CPSF2: variants seen among roughly 807,000 people sequenced by gnomAD.
CPSF2 encodes the protein cleavage and polyadenylation specific factor 2, also known as cleavage and polyadenylation specificity factor subunit 2.
CPSF2 carries 51 observed loss-of-function variants against 84.2 expected under a neutral mutation model. That is an observed-to-expected ratio of 0.61 (90% CI 0.48 to 0.77). The LOEUF is 0.77. CPSF2 is among the 30% of genes least tolerant of loss of function. CPSF2 has a pLI of 0.00. For missense variants in CPSF2, 641 were observed against 929.4 expected, an observed-to-expected ratio of 0.69 and a Z score of 4.03; for synonymous variants, 286 against 311.9, an observed-to-expected ratio of 0.92 and a Z score of 0.87.
chr14:92,135,322 T>C, intron 5 of CPSF2, 45 bp from the exon 6 acceptor site: 5 of 1,537,832 alleles, frequency 3.3e-6, no homozygotes, highest in East Asian at 4.6e-5. Flanking sequence ...AACCTTTCTT[T>C]AGGGTTGTAA....
rs113966642 is a variant in CPSF2 at position 92,158,013 on chromosome 14, A to G, written c.1821+129A>G. ...GGTCTCCTGCCCTAGCAGACCTCAT[A>G]GGGTATGGGGCTTAGAACAAGGAAA... On this transcript the variant is annotated intron_variant, in intron 13 of 15. Coordinates refer to ENST00000298875, the MANE Select transcript of CPSF2 (RefSeq NM_017437.3). The G allele has an allele frequency of 4.5e-6, 3 of 662,136 alleles. No homozygotes were observed. In the East Asian group the frequency reaches 8.1e-5, roughly 18 times the overall value. 41.0% of individuals were successfully genotyped at this position (662,136 alleles called of 1,614,324 possible).
chr14:92,160,724 A>G (rs1295937480), intron 14 of CPSF2, among the ~76,000 whole-genome samples: 1 of 152,168 alleles, frequency 6.6e-6, no homozygotes, highest in African/African-American at 2.4e-5. Flanking sequence ...TGGGGAGGAA[A>G]CGTCTTTTGA....
chr14:92,157,647 A>C lies in CPSF2; in HGVS notation c.1596-12A>C. On this transcript the variant is annotated splice_polypyrimidine_tract_variant and intron_variant, in intron 12 of 15. Coordinates refer to ENST00000298875, the MANE Select transcript of CPSF2 (RefSeq NM_017437.3). The surrounding 1 kb of genome is among the most constrained non-coding windows in gnomAD (Gnocchi z 4.0). ...GAGAAAAGTAATCTTGAATAATCATATCTAATTACAGAGCCCGGGTTACCT... is the reference window on the plus strand; with the variant it reads ...GAGAAAAGTAATCTTGAATAATCATCTCTAATTACAGAGCCCGGGTTACCT... 2 of 1,592,584 alleles carry C rather than the reference A, an allele frequency of 1.3e-6. No homozygotes were observed. The highest frequency in any genetic ancestry group is 1.7e-6 in the Non-Finnish European group (2 of 1,162,050).
intron 6 of CPSF2, among the ~76,000 whole-genome samples, chr14:92,137,153 AAG>A (rs1281257721): frequency 6.6e-6 from 1 of 152,120 alleles, no homozygotes; most frequent in African/African-American, 2.4e-5. Flanking sequence ...ATAAAGTCAA[AAG>A]AGAAAATTTA....
Position 92,123,311 on chromosome 14 carries a change from A to G in CPSF2, c.-94+1183A>G, listed in dbSNP as rs375660563. Among the ~76,000 whole-genome samples the G allele has an allele frequency of 1.5e-4, 23 of 151,838 alleles. 2 individuals are homozygous for G. Among genetic ancestry groups the G allele is most frequent in the African/African-American group, 5.1e-4 (21 of 41,400 alleles). On this transcript the variant is annotated intron_variant, in intron 1 of 15. Transcript: ENST00000298875. The stretch of plus-strand genomic sequence containing the variant: ...GCCCACCTATTTTTGTAGCTTTAGT[A>G]GAGACAGGGTTTCACCTTGTTGGCC...
chr14:92,131,044 C>T lies in CPSF2; in HGVS notation c.60C>T (p.Cys20=). 1 of 1,612,788 alleles carries T rather than the reference C, an allele frequency of 6.2e-7. No individual in the cohort carries two copies. The highest frequency in any genetic ancestry group is 8.5e-7 in the Non-Finnish European group (1 of 1,179,298). Residue 20 remains cysteine (C), a synonymous_variant, in exon 3 of 16, where the codon TGC becomes TGT. Transcript: ENST00000298875. ...GGGTCCAAGAAGAATCTGCCCTTTGCTATCTTCTCCAAGTTGATGAGTTTA... is the reference window on the plus strand; with the variant it reads ...GGGTCCAAGAAGAATCTGCCCTTTGTTATCTTCTCCAAGTTGATGAGTTTA... ...LSGVQEESAL[C]YLLQVDEFRF...
chr14:92,138,282 T>C lies in CPSF2; in HGVS notation c.596T>C (p.Ile199Thr). Residue 199 changes from isoleucine (I) to threonine (T), a missense_variant, in exon 7 of 16, where the codon ATC (isoleucine) becomes ACC (threonine). Ile to Thr is a moderately conservative substitution (Grantham distance 89). Transcript: ENST00000298875. ...ATGCTAAGCAGGCCTTCCCTACTTA[T>C]CACAGATTCATTCAATGCTACATAT... ...LEMLSRPSLLITDSFNATYVQ... is the reference protein window; with the variant it reads ...LEMLSRPSLLTTDSFNATYVQ... 7 of 1,609,086 alleles carry C rather than the reference T, an allele frequency of 4.4e-6. No individual in the cohort carries two copies. Among genetic ancestry groups the C allele is most frequent in the Non-Finnish European group, 5.9e-6 (7 of 1,178,148 alleles).
chr14:92,159,420 A>G (rs1459174187), intron 14 of CPSF2, 138 bp downstream of exon 14: 6 of 673,432 alleles, frequency 8.9e-6, no homozygotes, highest in Non-Finnish European at 1.2e-5. Flanking sequence ...TTTAAAATAT[A>G]TGTCAGCTGG....
chr14:92,134,943 A>G (rs908511075), intron 5 of CPSF2, among the ~76,000 whole-genome samples: 2 of 152,168 alleles, frequency 1.3e-5, no homozygotes, highest in African/African-American at 4.8e-5. Context: ...CTTCTAGTTA[A>G]TTTTTCTGCA....
At chr14:92,138,492 C>T (rs979914697) in intron 7 of CPSF2, 145 bp downstream of exon 7, 27 of 439,510 alleles carry the variant, frequency 6.1e-5, no homozygotes, top group East Asian at 1.2e-4. Flanking sequence ...TGAAGTGGCG[C>T]GATCTCGGCT....
At chr14:92,149,417 G>C (rs752892254) in intron 9 of CPSF2, among the ~76,000 whole-genome samples, 6 of 151,954 alleles carry the variant, frequency 3.9e-5, no homozygotes, top group Non-Finnish European at 8.8e-5. Context: ...CTGCCTCTAC[G>C]AAGTATAAAG....
chr14:92,161,351 A>G, intron 15 of CPSF2, 105 bp downstream of exon 15: 3 of 1,324,218 alleles, frequency 2.3e-6, no homozygotes, highest in Non-Finnish European at 3.1e-6. Context: ...ACTGAAGATC[A>G]GTAATTTATA....
At chr14:92,153,703 C>CTT (rs35788212) in intron 9 of CPSF2, among the ~76,000 whole-genome samples, 1,391 of 131,266 alleles carry the variant, frequency 0.011, 30 homozygotes, top group African/African-American at 0.036. Context: ...CCACTACTGG[C>CTT]TTTTTTTTTT....
chr14:92,154,293 C>T (rs1367184224), intron 9 of CPSF2, 65 bp from the exon 10 acceptor site: 3 of 1,106,370 alleles, frequency 2.7e-6, no homozygotes, highest in Non-Finnish European at 3.9e-6. Flanking sequence ...TATCTCATAT[C>T]CCACTGCTTT....
chr14:92,139,627 T>C (rs1049234975), intron 7 of CPSF2, among the ~76,000 whole-genome samples: 2 of 148,222 alleles, frequency 1.3e-5, no homozygotes, highest in African/African-American at 4.9e-5. Flanking sequence ...CAACCTTCAC[T>C]TCCCGGGTTG....
At chr14:92,140,867 TCACACCACTG>T (rs1354572865) in intron 7 of CPSF2, among the ~76,000 whole-genome samples, 2 of 151,580 alleles carry the variant, frequency 1.3e-5, no homozygotes, top group Admixed American at 1.3e-4. Flanking sequence ...TGAGCTATGA[TCACACCACTG>T]CACTCCAGCC....
In CPSF2 at chr14:92,122,038, C is replaced by T. The variant is rs1454910539; in HGVS notation, c.-184C>T. 1.7e-6 allele frequency: 1 copy of T among 585,076 alleles called. No individual in the cohort carries two copies. The highest frequency in any genetic ancestry group is 3.0e-6 in the Non-Finnish European group (1 of 330,780). 36.2% of individuals were successfully genotyped at this position (585,076 alleles called of 1,614,324 possible). ...TGCCGGCCGGTAGTCCCTGGCGCTG[C>T]TGACCCAGCATCGGCTTTTCTACGT... On this transcript the variant is annotated 5_prime_UTR_variant, in exon 1 of 16. Transcript: ENST00000298875.
intron 14 of CPSF2, 125 bp downstream of exon 14, chr14:92,159,407 C>A: frequency 1.4e-6 from 1 of 724,734 alleles, no homozygotes; most frequent in Non-Finnish European, 2.3e-6. Flanking sequence ...ATATTTTTAA[C>A]CATTTAAAAT....
At position 92,161,950 on chromosome 14, in the gene CPSF2, G is replaced by T; in HGVS notation, c.*206G>T. The T allele has an allele frequency of 2.3e-6, 1 of 435,370 alleles. No homozygotes were observed. The highest frequency in any genetic ancestry group is 4.5e-5 in the Admixed American group (1 of 22,208). The allele number at this position is 435,370 out of a possible 1,614,324, so 27.0% of individuals were successfully genotyped here. Reference sequence around the variant, plus strand: ...CTATCTTTTGGCTTTCAGAGTGATAGAGCTCCTAACAGGTGTACAGGCCCA... The same window carrying T: ...CTATCTTTTGGCTTTCAGAGTGATATAGCTCCTAACAGGTGTACAGGCCCA... On this transcript the variant is annotated 3_prime_UTR_variant, in exon 16 of 16. Transcript: ENST00000298875.
Sources: gnomAD v4.1 joint callset for allele counts (sites outside exome capture counted in the v4.1 genomes callset) on GRCh38, gnomAD v4.1.1 for gene constraint, Gnocchi (gnomAD v3.1) non-coding constraint, MANE v1.5 for transcripts, NCBI Gene and HGNC (gene_info 2026-07-23, HGNC 2026-07-21) for gene names.